TMPO: variants seen among roughly 807,000 people sequenced by gnomAD.
TMPO encodes the protein thymopoietin, also known as LEM domain containing 4.
A neutral mutation model predicts 45.4 loss-of-function variants in TMPO; 22 were observed. That is an observed-to-expected ratio of 0.48 (90% CI 0.35 to 0.69). The LOEUF is 0.69. TMPO is among the 30% of genes least tolerant of loss of function. The pLI, the probability that TMPO is intolerant of heterozygous loss-of-function variation, is 0.01. For synonymous variants in TMPO, 241 were observed against 204.1 expected, an observed-to-expected ratio of 1.18 and a Z score of -1.54; for missense variants, 512 against 548.8, an observed-to-expected ratio of 0.93 and a Z score of 0.67.
At chr12:98,526,711 G>T (rs1222372868) in intron 1 of TMPO, among the ~76,000 whole-genome samples, 1 of 152,148 alleles carries the variant, frequency 6.6e-6, no homozygotes, top group East Asian at 1.9e-4. Flanking sequence ...TGTAATCCCA[G>T]CACTTTGGGA....
intron 1 of TMPO, among the ~76,000 whole-genome samples, chr12:98,524,630 A>G (rs752267892): frequency 4.6e-5 from 7 of 151,608 alleles, no homozygotes; most frequent in African/African-American, 9.7e-5. Context: ...GTCTTGCTCT[A>G]TCGCCCAGGC....
At position 98,520,807 on chromosome 12, in the gene TMPO, G is replaced by A. The variant is rs1291941024; in HGVS notation, c.279+4661G>A. Among the ~76,000 whole-genome samples, 5 of 148,506 alleles carry A rather than the reference G, an allele frequency of 3.4e-5. No homozygotes were observed. The East Asian group carries it at 1.0e-3, about 30-fold the overall frequency. On this transcript the variant is annotated intron_variant, in intron 1 of 8. Transcript: ENST00000556029. ...CAGGATGGTCTCTATCTCCTGATCT[G>A]GTGATCTGCCCGCCTCGGCCTCCCA...
At chr12:98,522,292 GGT>G (rs1287216756) in intron 1 of TMPO, among the ~76,000 whole-genome samples, 7 of 152,156 alleles carry the variant, frequency 4.6e-5, no homozygotes, top group Non-Finnish European at 1.0e-4. Context: ...TGGGATTGTA[GGT>G]GTGAGCTGCT....
At chr12:98,544,155 C>T (rs1041005927) in intron 4 of TMPO, 75 bp from the exon 5 acceptor site, 5 of 1,538,882 alleles carry the variant, frequency 3.2e-6, no homozygotes, top group Non-Finnish European at 3.6e-6. Flanking sequence ...CATGGCTTCT[C>T]AGTGTGCCAG....
At chr12:98,544,584 C>A in intron 6 of TMPO, 47 bp downstream of exon 6, 1 of 1,479,186 alleles carries the variant, frequency 6.8e-7, no homozygotes, top group Non-Finnish European at 9.4e-7. Flanking sequence ...TTGTAAATTA[C>A]CCTTTAATTG....
intron 3 of TMPO, chr12:98,533,955 C>G: frequency 6.2e-7 from 1 of 1,613,680 alleles, no homozygotes; most frequent in Non-Finnish European, 8.5e-7. Context: ...AGCAGTTGGA[C>G]TTAGCACTCT....
chr12:98,520,062 C>T (rs1250559218), intron 1 of TMPO, among the ~76,000 whole-genome samples: 4 of 151,568 alleles, frequency 2.6e-5, no homozygotes, highest in African/African-American at 9.7e-5. Flanking sequence ...CGGGTTCAAG[C>T]GATTCTCCTG....
intron 3 of TMPO, chr12:98,533,631 T>G (rs561730840): frequency 1.9e-6 from 3 of 1,614,216 alleles, no homozygotes; most frequent in South Asian, 1.1e-5. Flanking sequence ...AACTGATGTC[T>G]TCTTTTGCCA....
At chr12:98,519,940 TTTTTTTTCTTTCTTTC>T (rs1381292409) in intron 1 of TMPO, among the ~76,000 whole-genome samples, 9 of 152,016 alleles carry the variant, frequency 5.9e-5, no homozygotes, top group African/African-American at 1.2e-4. Context: ...TCATATTTCT[TTTTTTTTCTTTCTTTC>T]TTTTTTTCTT....
chr12:98,528,251 C>CTTTTTTTTTTTTTTTTGTTTTTTTTTTGT (rs1876928804), intron 2 of TMPO, among the ~76,000 whole-genome samples: 1 of 131,398 alleles, frequency 7.6e-6, no homozygotes. Flanking sequence ...TTATATCGTA[C>CTTTTTTTTTTTTTTTTGTTTTTTTTTTGT]TTTTTTTTTT....
At position 98,534,698 on chromosome 12, in the gene TMPO, C is replaced by T. The variant is rs75460359; in HGVS notation, c.566-2777C>T. On this transcript the variant is annotated intron_variant, in intron 3 of 8. Coordinates refer to ENST00000556029, the MANE Select transcript of TMPO (RefSeq NM_001032283.3). ...TGTTCAATAGAATAATATGCATCCT[C>T]CTTTATACCTAGGACAGAATTAAAC... 2.5e-3 allele frequency: 2,690 copies of T among 1,081,790 alleles called. 56 individuals carry two copies. The African/African-American group carries it at 0.042, about 17-fold the overall frequency. The allele number at this position is 1,081,790 out of a possible 1,614,324, so 67.0% of individuals were successfully genotyped here.
Position 98,533,386 on chromosome 12 carries a change from A to G in TMPO, c.565+1548A>G, listed in dbSNP as rs779658294. The G allele has an allele frequency of 1.9e-5, 30 of 1,614,100 alleles. No homozygotes were observed. Among genetic ancestry groups the G allele is most frequent in the South Asian group, 1.8e-4 (16 of 91,090 alleles). The stretch of plus-strand genomic sequence containing the variant: ...AATTTCTCCGCCACTTGCCCAGGCA[A>G]TCAGAGATTATGTCAATTCTCTGTT... On this transcript the variant is annotated intron_variant, in intron 3 of 8. Coordinates refer to ENST00000556029, the MANE Select transcript of TMPO (RefSeq NM_001032283.3).
At chr12:98,531,933 C>A in intron 3 of TMPO, 95 bp downstream of exon 3, 2 of 978,490 alleles carry the variant, frequency 2.0e-6, no homozygotes, top group Non-Finnish European at 3.0e-6. Context: ...ACAATATTGG[C>A]AAGATACACA....
At chr12:98,527,526 A>AAAAT in intron 1 of TMPO, 1 of 43,248 alleles carries the variant, frequency 2.3e-5, no homozygotes, top group Non-Finnish European at 5.6e-5. Context: ...CTGTATCATT[A>AAAAT]AAAAAAAAAA....
rs1412229218 is a variant in TMPO, at chr12:98,544,550, C to A, written c.879+13C>A. The A allele has an allele frequency of 1.3e-6, 2 of 1,591,430 alleles. No homozygotes were observed. Among genetic ancestry groups the A allele is most frequent in the African/African-American group, 1.3e-5 (1 of 74,334 alleles). ...CAACGAATCCTTAGTAAATATGTTT[C>A]ATAAACTATACAAGTGGTATTCTTT... On this transcript the variant is annotated intron_variant, in intron 6 of 8. Transcript: ENST00000556029.
At chr12:98,517,805 G>C (rs577573748) in intron 1 of TMPO, among the ~76,000 whole-genome samples, 3 of 152,206 alleles carry the variant, frequency 2.0e-5, no homozygotes, top group Admixed American at 6.5e-5. Context: ...AAATAAAAGC[G>C]TACCCGCTTA....
intron 1 of TMPO, among the ~76,000 whole-genome samples, chr12:98,518,132 CGAGACTTCGTCTCAAA>C (rs1876025447): frequency 7.5e-6 from 1 of 133,786 alleles, no homozygotes; most frequent in African/African-American, 2.9e-5. Context: ...GGGACAAGAG[CGAGACTTCGTCTCAAA>C]AAAAAAAAAA....
rs727503491 is a variant in TMPO, at chr12:98,534,294, TGGA to T, written c.565+2461_565+2463del. On this transcript the variant is annotated intron_variant, in intron 3 of 8. Transcript: ENST00000556029. ...CTCCCTTTAAAGGTGGAACATTATT[TGGA>T]GGAGAAGTATGCAAAGTAATTAAAA... The T allele has an allele frequency of 2.8e-5, 45 of 1,613,252 alleles. No homozygotes were observed. The highest frequency in any genetic ancestry group is 1.9e-4 in the South Asian group (17 of 91,074).
chr12:98,534,401 T>G (rs1877440651), intron 3 of TMPO: 3 of 1,601,940 alleles, frequency 1.9e-6, no homozygotes, highest in Non-Finnish European at 2.5e-6. Context: ...GCCAACATTT[T>G]CTTTTCTGTT....
Sources: allele counts gnomAD v4.1 joint callset (sites outside exome capture counted in the v4.1 genomes callset), GRCh38; gene constraint gnomAD v4.1.1; transcripts MANE v1.5; gene names NCBI Gene and HGNC (gene_info 2026-07-23, HGNC 2026-07-21).